The following TRIM2 variants were observed in gnomAD, a reference collection of about 807,000 sequenced individuals.
TRIM2 encodes tripartite motif containing 2.
A neutral mutation model predicts 75.2 loss-of-function variants in TRIM2; 20 were observed. The ratio of observed to expected loss-of-function variants is 0.27; its 90% confidence interval spans 0.19 to 0.39. The LOEUF (loss-of-function observed/expected upper bound fraction) is 0.39. TRIM2 is among the 10% of genes least tolerant of loss of function. The pLI is 1.00. For synonymous variants in TRIM2, 373 were observed against 388.3 expected, an observed-to-expected ratio of 0.96 and a Z score of 0.46; for missense variants, 660 against 990.8, an observed-to-expected ratio of 0.67 and a Z score of 4.48.
intron 2 of TRIM2, 32 bp downstream of exon 2, chr4:153,270,551 T>G (rs979131131): frequency 3.2e-6 from 5 of 1,564,460 alleles, no homozygotes; most frequent in Middle Eastern, 1.7e-4. Flanking sequence ...AGAAGGGAGT[T>G]TCGCAGGCTG....
intron 2 of TRIM2, among the ~76,000 whole-genome samples, chr4:153,273,735 T>A (rs1040677711): frequency 1.3e-5 from 2 of 152,162 alleles, no homozygotes; most frequent in Non-Finnish European, 2.9e-5. Context: ...CTCAGACTAA[T>A]GTGAAATTAA....
chr4:153,203,239 A>G (rs546959195), upstream of TRIM2, among the ~76,000 whole-genome samples: 42 of 152,142 alleles, frequency 2.8e-4, no homozygotes, highest in African/African-American at 9.6e-4. Flanking sequence ...ATGGTCTGGC[A>G]TGATTATAGG....
At chr4:153,239,413 A>T (rs1244054178) in intron 1 of TRIM2, among the ~76,000 whole-genome samples, 5 of 146,932 alleles carry the variant, frequency 3.4e-5, no homozygotes, top group South Asian at 2.1e-4. Context: ...TATCATAAAG[A>T]TAGTGCTCTC....
intron 1 of TRIM2, 48 bp downstream of exon 1, chr4:153,204,608 G>T (rs1377101420): frequency 1.9e-6 from 3 of 1,550,742 alleles, no homozygotes; most frequent in East Asian, 2.4e-5. Context: ...GGGCCAGCTG[G>T]TTAATCCGGG....
intron 1 of TRIM2, among the ~76,000 whole-genome samples, chr4:153,160,803 A>G (rs1008918467): frequency 5.9e-5 from 9 of 152,004 alleles, no homozygotes; most frequent in Non-Finnish European, 8.8e-5. Flanking sequence ...GGGTCTCTGT[A>G]TGTTGCCCGG....
chr4:153,243,767 GATA>G (rs1460404439), intron 1 of TRIM2, among the ~76,000 whole-genome samples: 1 of 151,680 alleles, frequency 6.6e-6, no homozygotes, highest in African/African-American at 2.4e-5. Context: ...GCTAGGCATG[GATA>G]ATATGTGGTT....
At chr4:153,255,232 C>T (rs1273995307) in intron 1 of TRIM2, among the ~76,000 whole-genome samples, 3 of 152,218 alleles carry the variant, frequency 2.0e-5, no homozygotes, top group Admixed American at 6.5e-5. Flanking sequence ...ACACATGACA[C>T]TCAACAAGTC....
intron 6 of TRIM2, among the ~76,000 whole-genome samples, chr4:153,303,430 G>C (rs1052755093): frequency 6.7e-6 from 1 of 149,970 alleles, no homozygotes; most frequent in African/African-American, 2.5e-5. Flanking sequence ...CCAAGATCTT[G>C]CCACTGTACT....
intron 1 of TRIM2, among the ~76,000 whole-genome samples, chr4:153,240,563 A>G (rs1413972456): frequency 5.3e-5 from 8 of 152,208 alleles, no homozygotes; most frequent in Non-Finnish European, 1.5e-5. Context: ...TTCTATTATC[A>G]GTAGAAGGTT....
intron 11 of TRIM2, among the ~76,000 whole-genome samples, chr4:153,330,706 A>G (rs1401370732): frequency 2.0e-5 from 3 of 152,156 alleles, no homozygotes; most frequent in African/African-American, 7.2e-5. Context: ...GAAAACTAAG[A>G]CTCTCTCAAC....
intron 3 of TRIM2, among the ~76,000 whole-genome samples, chr4:153,290,512 G>A (rs1038986775): frequency 1.3e-5 from 2 of 152,144 alleles, no homozygotes; most frequent in Non-Finnish European, 2.9e-5. Context: ...GCTTTCTGCT[G>A]GATTGTATCA....
chr4:153,312,042 C>T (rs961226313), intron 6 of TRIM2, among the ~76,000 whole-genome samples: 22 of 151,282 alleles, frequency 1.5e-4, no homozygotes, highest in African/African-American at 5.4e-4. Context: ...TTAGGTATAT[C>T]TCCCAATGCT....
Position 153,165,333 on chromosome 4 carries a change from A to C in TRIM2, c.-49+12063A>C, listed in dbSNP as rs76676577. 5.1e-3 allele frequency among the ~76,000 whole-genome samples: 780 copies of C among 152,144 alleles called. 5 individuals are homozygous for C. Among genetic ancestry groups the C allele is most frequent in the African/African-American group, 0.017 (695 of 41,500 alleles). Reference sequence around the variant, plus strand: ...TGAGCCCCTTGCTTTTTAGTTTTTAAATTTTTACTTATTTTGAGACAGGGT... The same window carrying C: ...TGAGCCCCTTGCTTTTTAGTTTTTACATTTTTACTTATTTTGAGACAGGGT... On this transcript the variant is annotated intron_variant, in intron 1 of 11. Coordinates refer to the TRIM2 transcript ENST00000437508.
At chr4:153,307,206 G>C (rs1765199240) in intron 6 of TRIM2, among the ~76,000 whole-genome samples, 1 of 152,192 alleles carries the variant, frequency 6.6e-6, no homozygotes, top group African/African-American at 2.4e-5. Context: ...GAAACCATGA[G>C]CTGGTTTTAT....
intron 3 of TRIM2, among the ~76,000 whole-genome samples, chr4:153,285,298 C>G (rs1484210955): frequency 6.6e-6 from 1 of 152,116 alleles, no homozygotes; most frequent in Non-Finnish European, 1.5e-5. Context: ...ATCTATATGC[C>G]TATTCTCATG....
intron 1 of TRIM2, among the ~76,000 whole-genome samples, chr4:153,232,811 T>C (rs1744006545): frequency 6.6e-6 from 1 of 152,242 alleles, no homozygotes; most frequent in Non-Finnish European, 1.5e-5. Context: ...ACTTAGGGGC[T>C]GAGTGGTGTC....
intron 1 of TRIM2, among the ~76,000 whole-genome samples, chr4:153,185,007 T>C (rs1732449453): frequency 6.6e-6 from 1 of 152,222 alleles, no homozygotes; most frequent in African/African-American, 2.4e-5. Flanking sequence ...AGTCAAATTG[T>C]GTCCTATTCC....
At chr4:153,215,543 GTGTTTGA>G (rs1738249180) in intron 1 of TRIM2, among the ~76,000 whole-genome samples, 2 of 152,018 alleles carry the variant, frequency 1.3e-5, no homozygotes, top group African/African-American at 4.8e-5. Context: ...TGCATCTGGA[GTGTTTGA>G]AATATCCCAA....
chr4:153,283,920 G>A (rs1216829841), intron 3 of TRIM2, among the ~76,000 whole-genome samples: 1 of 133,112 alleles, frequency 7.5e-6, no homozygotes, highest in Non-Finnish European at 1.5e-5. Flanking sequence ...GCCCAGGCTG[G>A]AATGCAGTGG....
Sources: gnomAD v4.1 joint callset for allele counts (sites outside exome capture counted in the v4.1 genomes callset) on GRCh38, gnomAD v4.1.1 for gene constraint, MANE v1.5 for transcripts, NCBI Gene and HGNC (gene_info 2026-07-23, HGNC 2026-07-21) for gene names.